The following PIK3R5 variants were observed in gnomAD, a reference collection of about 807,000 sequenced individuals.
The protein encoded by PIK3R5 is phosphoinositide-3-kinase regulatory subunit 5, also known as phosphoinositide 3-kinase regulatory subunit 5.
In PIK3R5, 32 loss-of-function variants were observed where a neutral mutation model predicts 94.9. The ratio of observed to expected loss-of-function variants is 0.34; its 90% CI spans 0.25 to 0.45. The LOEUF (loss-of-function observed/expected upper bound fraction) is 0.45. PIK3R5 is among the 20% of genes least tolerant of loss of function. The probability of loss-of-function intolerance (pLI) is 1.00; values close to 1 mark genes in which losing one functional copy is unlikely to be tolerated. For missense variants in PIK3R5, 853 were observed against 1,144.6 expected (o/e 0.75, Z 3.68); for synonymous variants, 443 against 479.4 (o/e 0.92, Z 0.99).
chr17:8,928,611 T>C (rs1367337256), intron 1 of PIK3R5, among the ~76,000 whole-genome samples: 1 of 152,228 alleles, frequency 6.6e-6, no homozygotes, highest in African/African-American at 2.4e-5. Context: ...CATATTCTAA[T>C]TGCTGAAGGA....
At position 8,890,157 on chromosome 17, in the gene PIK3R5, C is replaced by T. The variant is rs765641155; in HGVS notation, c.658-31G>A. The T allele has an allele frequency of 6.2e-7, 1 of 1,610,000 alleles. No homozygotes were observed. The highest frequency in any genetic ancestry group is 1.1e-5 in the South Asian group (1 of 91,032). On this transcript the variant is annotated intron_variant, in intron 7 of 18. Coordinates refer to ENST00000447110, the MANE Select transcript of PIK3R5 (RefSeq NM_001142633.3). This position sits in a 1 kb window ranked among gnomAD's most constrained non-coding sequence, Gnocchi z 6.1. ...ACCCCAGGAGGAGATGGGCTTTGCTCCTGGACCGTGAGCTAGCTGTCCACC... is the reference window on the plus strand; with the variant it reads ...ACCCCAGGAGGAGATGGGCTTTGCTTCTGGACCGTGAGCTAGCTGTCCACC...
At position 8,896,653 on chromosome 17, in the gene PIK3R5, C is replaced by G. The variant is rs1296899968; in HGVS notation, c.413-2998G>C. On this transcript the variant is annotated intron_variant, in intron 5 of 18. Transcript: ENST00000447110. This position sits in a 1 kb window ranked among gnomAD's most constrained non-coding sequence, Gnocchi z 4.0. ...AAGCTTCCACTCTTTTTCAAAGTTG[C>G]AAATAGATGGGGATCCTGCACAGAA... Among the ~76,000 whole-genome samples the G allele has an allele frequency of 6.6e-6, 1 of 152,176 alleles. No homozygotes were observed. The highest frequency in any genetic ancestry group is 1.5e-5 in the Non-Finnish European group (1 of 68,016).
chr17:8,896,752 A>C lies in PIK3R5; in HGVS notation c.413-3097T>G, dbSNP rs1034918387. On this transcript the variant is annotated intron_variant, in intron 5 of 18. Transcript: ENST00000447110. The surrounding 1 kb of genome is among the most constrained non-coding windows in gnomAD (Gnocchi z 4.0). ...TCAAGCAAGCACTGGTATTAATGAC[A>C]CACGGATAGACAGGTCCATGCTGAG... is the stretch of plus-strand genomic sequence containing the variant. 3.9e-5 allele frequency among the ~76,000 whole-genome samples: 6 copies of C among 152,204 alleles called. No individual in the cohort carries two copies. Among genetic ancestry groups the C allele is most frequent in the Non-Finnish European group, 4.4e-5 (3 of 68,042 alleles).
At chr17:8,960,384 C>A (rs113128826) in intron 1 of PIK3R5, among the ~76,000 whole-genome samples, 13 of 152,280 alleles carry the variant, frequency 8.5e-5, no homozygotes, top group African/African-American at 3.1e-4. Flanking sequence ...TCATAGTATC[C>A]CATAATTCTC....
chr17:8,929,356 TG>T (rs142634926), intron 1 of PIK3R5, among the ~76,000 whole-genome samples: 6,390 of 151,964 alleles, frequency 0.042, 182 homozygotes, highest in Non-Finnish European at 0.06. Flanking sequence ...AGTAAAAGGG[TG>T]GGAAAATATA....
At chr17:8,932,151 A>G (rs2090997160) in intron 1 of PIK3R5, among the ~76,000 whole-genome samples, 1 of 152,224 alleles carries the variant, frequency 6.6e-6, no homozygotes, top group Non-Finnish European at 1.5e-5. Flanking sequence ...TAAAACATCT[A>G]TTATAAATAT....
intron 5 of PIK3R5, among the ~76,000 whole-genome samples, chr17:8,898,883 G>T (rs905468027): frequency 6.6e-6 from 1 of 152,134 alleles, no homozygotes; most frequent in African/African-American, 2.4e-5. Context: ...ACTGAACTTG[G>T]TCTTCTCAAA....
At chr17:8,897,099 C>T (rs2090168550) in intron 5 of PIK3R5, among the ~76,000 whole-genome samples, 1 of 152,198 alleles carries the variant, frequency 6.6e-6, no homozygotes, top group Non-Finnish European at 1.5e-5. Flanking sequence ...GCTCCCCATC[C>T]CCAGGGTCCT....
At chr17:8,920,438 GCC>G (rs2090717440) in intron 1 of PIK3R5, among the ~76,000 whole-genome samples, 1 of 152,164 alleles carries the variant, frequency 6.6e-6, no homozygotes, top group African/African-American at 2.4e-5. Context: ...GAAGGGACTT[GCC>G]CAGATCAGAC....
At chr17:8,940,396 G>A (rs2091154116) in intron 1 of PIK3R5, among the ~76,000 whole-genome samples, 2 of 42,070 alleles carry the variant, frequency 4.8e-5, no homozygotes. Flanking sequence ...AGCAACCACC[G>A]GCCATCCTCA....
chr17:8,888,667 G>A lies in PIK3R5; in HGVS notation c.1120C>T (p.His374Tyr). Residue 374 changes from histidine (H) to tyrosine (Y), a missense_variant, in exon 10 of 19, where the codon CAT becomes TAT. His to Tyr is a moderately conservative substitution (Grantham distance 83). Transcript: ENST00000447110. The surrounding 1 kb of genome is among the most constrained non-coding windows in gnomAD (Gnocchi z 7.8). ...CCTGAGACAAAGGAAGTCAGCAGAT[G>A]GCGCGAGAGGGCCGGCCCCGAGGCC... ...SQASGPALSR[H>Y]LLTSFVSGLS... 1.9e-6 allele frequency: 3 copies of A among 1,613,874 alleles called. No individual in the cohort carries two copies. The highest frequency in any genetic ancestry group is 2.5e-6 in the Non-Finnish European group (3 of 1,179,950).
chr17:8,963,136 C>G (rs115859447), intron 1 of PIK3R5, among the ~76,000 whole-genome samples: 1 of 152,188 alleles, frequency 6.6e-6, no homozygotes. Context: ...AACCACTATG[C>G]CTGGCCAGCT....
intron 1 of PIK3R5, among the ~76,000 whole-genome samples, chr17:8,948,042 T>TAAAAAAAAAAAAAAAAAAAAAAAAAAA (rs71135932): frequency 1.6e-4 from 10 of 62,758 alleles, no homozygotes; most frequent in Admixed American, 2.1e-4. Context: ...GACTCCGTCT[T>TAAAAAAAAAAAAAAAAAAAAAAAAAAA]AAAAAAAAAA....
chr17:8,890,875 C>T lies in PIK3R5; in HGVS notation c.520G>A (p.Glu174Lys), dbSNP rs750230474. Residue 174 changes from glutamate to lysine, a missense_variant, in exon 7 of 19, where the codon GAG becomes AAG. By Grantham distance (56) the Glu-to-Lys change is moderately conservative (BLOSUM62 1). Around this residue, in one of 6 missense-constraint regions of PIK3R5, gnomAD observed 161 missense variants for 249.5 expected, o/e 0.65. Coordinates refer to ENST00000447110, the MANE Select transcript of PIK3R5 (RefSeq NM_001142633.3). The surrounding 1 kb of genome is among the most constrained non-coding windows in gnomAD (Gnocchi z 6.1). ...LLLNPVEVQA[E>K]FLAVANKLST... is the part of the protein sequence containing the mutation. ...AGCTTATTGGCTACAGCAAGGAACT[C>T]GGCCTGCACTTCCACTGGGTTCAGC... The T allele has an allele frequency of 9.3e-6, 15 of 1,613,840 alleles. No homozygotes were observed. The highest frequency in any genetic ancestry group is 1.7e-5 in the Admixed American group (1 of 59,960).
At chr17:8,939,704 A>G (rs557668451) in intron 1 of PIK3R5, among the ~76,000 whole-genome samples, 68 of 152,290 alleles carry the variant, frequency 4.5e-4, no homozygotes, top group African/African-American at 1.6e-3. Context: ...GAAAATAACG[A>G]TGCCACGTGT....
Position 8,911,603 on chromosome 17 carries a change from T to TCAGCC in PIK3R5, c.-13-101_-13-97dup. The TCAGCC allele has an allele frequency of 1.3e-6, 1 of 764,748 alleles. No homozygotes were observed. The highest frequency in any genetic ancestry group is 1.7e-5 in the South Asian group (1 of 59,566). The allele number at this position is 764,748 out of a possible 1,614,324, so 47.4% of individuals were successfully genotyped here. On this transcript the variant is annotated intron_variant, in intron 1 of 18. Coordinates refer to ENST00000447110, the MANE Select transcript of PIK3R5 (RefSeq NM_001142633.3). The surrounding 1 kb of genome is among the most constrained non-coding windows in gnomAD (Gnocchi z 5.3). ...AACAGGTGCTCACAGTGCAGCGCGA[T>TCAGCC]CAGCCCAGCCCAGCTATAGCTCAGG...
chr17:8,901,171 G>A (rs1438238276), intron 5 of PIK3R5, among the ~76,000 whole-genome samples: 1 of 152,118 alleles, frequency 6.6e-6, no homozygotes, highest in Non-Finnish European at 1.5e-5. Flanking sequence ...TTAAACTGGC[G>A]TGTTCCTTTA....
At chr17:8,905,954 C>A (rs1427919619) in intron 3 of PIK3R5, among the ~76,000 whole-genome samples, 1 of 151,944 alleles carries the variant, frequency 6.6e-6, no homozygotes, top group African/African-American at 2.4e-5. Flanking sequence ...CAATGTCCCT[C>A]TTCTGATGCC....
Position 8,925,905 on chromosome 17 carries a change from C to T in PIK3R5, c.-13-14398G>A, listed in dbSNP as rs1346633673. 6.6e-6 allele frequency among the ~76,000 whole-genome samples: 1 copy of T among 152,196 alleles called. No homozygotes were observed. The highest frequency in any genetic ancestry group is 1.9e-4 in the East Asian group (1 of 5,198). On this transcript the variant is annotated intron_variant, in intron 1 of 18. Transcript: ENST00000447110. The surrounding 1 kb of genome is among the most constrained non-coding windows in gnomAD (Gnocchi z 5.1). The stretch of plus-strand genomic sequence containing the variant: ...GAGTCCTGCTTTGTCCGAGTTCTAT[C>T]CCCTTCAGACCCCAATGGAGAGGTC...
Sources: allele counts gnomAD v4.1 joint callset (sites outside exome capture counted in the v4.1 genomes callset), GRCh38; gene constraint gnomAD v4.1.1; regional missense constraint gnomAD v4.1.1; non-coding constraint Gnocchi (gnomAD v3.1); transcripts MANE v1.5; gene names NCBI Gene and HGNC (gene_info 2026-07-23, HGNC 2026-07-21).